Variants in ADGRB3 observed in about 807,000 individuals in gnomAD.
ADGRB3 encodes the protein brain-specific angiogenesis inhibitor 3.
Under a neutral mutation model 193.4 loss-of-function variants are expected in ADGRB3, and 37 were observed. The observed-to-expected ratio is 0.19, with a 90% CI of 0.15 to 0.25. The LOEUF is 0.25. ADGRB3 is among the 10% of genes least tolerant of loss of function. ADGRB3 has a pLI of 1.00. For synonymous variants in ADGRB3, 690 were observed against 644.2 expected (o/e 1.07, Z -1.08); for missense variants, 1,637 against 1,852.9 (o/e 0.88, Z 2.14).
chr6:68,986,824 C>A (rs1769090056), intron 10 of ADGRB3, among the ~76,000 whole-genome samples: 1 of 151,986 alleles, frequency 6.6e-6, no homozygotes, highest in South Asian at 2.1e-4. Context: ...TAAAATGTAT[C>A]ATTTGCACAG....
At chr6:68,648,867 G>T (rs1768280329) in intron 3 of ADGRB3, among the ~76,000 whole-genome samples, 1 of 151,380 alleles carries the variant, frequency 6.6e-6, no homozygotes, top group Non-Finnish European at 1.5e-5. Context: ...TTTTTAAAGA[G>T]AATCTTTACA....
At chr6:68,664,096 G>C (rs1454318381) in intron 3 of ADGRB3, among the ~76,000 whole-genome samples, 4 of 151,666 alleles carry the variant, frequency 2.6e-5, no homozygotes, top group African/African-American at 9.7e-5. Context: ...AATGATAAGT[G>C]TTCTCATTTG....
intron 3 of ADGRB3, among the ~76,000 whole-genome samples, chr6:68,670,504 G>A (rs1033485877): frequency 1.3e-5 from 2 of 151,904 alleles, no homozygotes; most frequent in South Asian, 2.1e-4. Context: ...AGTTTTCCCA[G>A]TAACATTTTT....
intron 8 of ADGRB3, 68 bp from the exon 9 acceptor site, chr6:68,974,695 G>C (rs1768690277): frequency 2.3e-6 from 3 of 1,289,994 alleles, no homozygotes; most frequent in African/African-American, 1.5e-5. Context: ...AGGTGCCTTT[G>C]ACAATTGTTT....
intron 3 of ADGRB3, among the ~76,000 whole-genome samples, chr6:68,867,832 T>C (rs868776573): frequency 1.1e-4 from 17 of 152,208 alleles, no homozygotes; most frequent in African/African-American, 4.1e-4. Flanking sequence ...GCAAGGGGCC[T>C]GTAGACCATT....
intron 3 of ADGRB3, among the ~76,000 whole-genome samples, chr6:68,757,866 T>C (rs185723687): frequency 1.3e-5 from 2 of 152,240 alleles, no homozygotes; most frequent in Non-Finnish European, 2.9e-5. Flanking sequence ...AGCATTACCA[T>C]TGACCTTTAA....
intron 17 of ADGRB3, among the ~76,000 whole-genome samples, chr6:69,115,262 G>A (rs1773497136): frequency 6.6e-6 from 1 of 152,204 alleles, no homozygotes; most frequent in African/African-American, 2.4e-5. Context: ...ATACTATGCA[G>A]CCATAGAAAA....
intron 17 of ADGRB3, among the ~76,000 whole-genome samples, chr6:69,200,652 A>G (rs1414046411): frequency 1.3e-5 from 2 of 152,100 alleles, no homozygotes; most frequent in South Asian, 2.1e-4. Context: ...TGTGAGATCT[A>G]TGAAAGCCTC....
At chr6:69,369,803 T>C (rs951882294) in intron 29 of ADGRB3, among the ~76,000 whole-genome samples, 1 of 152,142 alleles carries the variant, frequency 6.6e-6, no homozygotes, top group African/African-American at 2.4e-5. Context: ...TTAGAATGAT[T>C]TCTAAGTTAT....
intron 17 of ADGRB3, among the ~76,000 whole-genome samples, chr6:69,154,650 G>C (rs764954606): frequency 6.6e-6 from 1 of 152,092 alleles, no homozygotes; most frequent in Non-Finnish European, 1.5e-5. Flanking sequence ...ATAGCACATG[G>C]TAATGAGCTT....
chr6:68,854,734 T>C (rs1764922894), intron 3 of ADGRB3, among the ~76,000 whole-genome samples: 1 of 152,176 alleles, frequency 6.6e-6, no homozygotes, highest in African/African-American at 2.4e-5. Flanking sequence ...CTCACTCTAA[T>C]CATTCTCTGC....
chr6:68,791,975 A>G (rs1340020574), intron 3 of ADGRB3, among the ~76,000 whole-genome samples: 1 of 152,206 alleles, frequency 6.6e-6, no homozygotes, highest in Non-Finnish European at 1.5e-5. Flanking sequence ...ACAAGTGGTC[A>G]GCCAGGGCAG....
chr6:69,334,031 T>G (rs993673007), intron 24 of ADGRB3, among the ~76,000 whole-genome samples: 1 of 150,660 alleles, frequency 6.6e-6, no homozygotes, highest in Non-Finnish European at 1.5e-5. Context: ...AATATGTATA[T>G]ATAATGACAG....
At chr6:69,309,782 T>C (rs1490455141) in intron 20 of ADGRB3, among the ~76,000 whole-genome samples, 1 of 151,628 alleles carries the variant, frequency 6.6e-6, no homozygotes, top group African/African-American at 2.4e-5. Flanking sequence ...TCTTTCTTGC[T>C]CCAATACTAA....
At chr6:69,108,279 A>G (rs1773269813) in intron 17 of ADGRB3, among the ~76,000 whole-genome samples, 1 of 152,108 alleles carries the variant, frequency 6.6e-6, no homozygotes, top group African/African-American at 2.4e-5. Flanking sequence ...CTAAGGGTTT[A>G]CCTAAGTTTT....
intron 20 of ADGRB3, among the ~76,000 whole-genome samples, chr6:69,297,398 CTCTCTCTCTCTCTA>C (rs1767851334): frequency 2.1e-5 from 3 of 141,344 alleles, no homozygotes; most frequent in African/African-American, 8.4e-5. Context: ...CTCTATCTCT[CTCTCTCTCTCTCTA>C]TATATATATA....
intron 17 of ADGRB3, among the ~76,000 whole-genome samples, chr6:69,187,580 G>T (rs1765097857): frequency 6.6e-6 from 1 of 152,192 alleles, no homozygotes; most frequent in African/African-American, 2.4e-5. Flanking sequence ...TATTCATATT[G>T]TGGCTTATCA....
At chr6:68,833,001 C>A (rs1767982865) in intron 3 of ADGRB3, among the ~76,000 whole-genome samples, 1 of 152,086 alleles carries the variant, frequency 6.6e-6, no homozygotes, top group Non-Finnish European at 1.5e-5. Context: ...CTATTACCAG[C>A]AGTGTGCTCA....
chr6:69,346,623 T>C (rs1438115321), intron 26 of ADGRB3, among the ~76,000 whole-genome samples: 1 of 152,146 alleles, frequency 6.6e-6, no homozygotes, highest in African/African-American at 2.4e-5. Flanking sequence ...CACTAGTCAT[T>C]AGAGAAATGC....
Sources: allele counts gnomAD v4.1 joint callset (sites outside exome capture counted in the v4.1 genomes callset), GRCh38; gene constraint gnomAD v4.1.1; transcripts MANE v1.5; gene names NCBI Gene and HGNC (gene_info 2026-07-23, HGNC 2026-07-21).